The following FNDC1 variants were observed in gnomAD, a reference collection of about 807,000 sequenced individuals.
The protein encoded by FNDC1 is fibronectin type III domain containing 1, also known as fibronectin type III domain-containing protein 1.
FNDC1 carries 96 observed loss-of-function variants against 168.0 expected under a neutral mutation model. The observed-to-expected ratio is 0.57, with a 90% CI of 0.48 to 0.68. The LOEUF is 0.68. FNDC1 is among the 30% of genes least tolerant of loss of function. The pLI is 0.00. For missense variants in FNDC1, 2,587 were observed against 2,482.1 expected, an observed-to-expected ratio of 1.04 and a Z score of -0.90; for synonymous variants, 1,099 against 1,025.9, an observed-to-expected ratio of 1.07 and a Z score of -1.36.
Position 159,173,285 on chromosome 6 carries a change from T to A in FNDC1, c.109+3580T>A, listed in dbSNP as rs900180449. ...GGGGGCCTTGGGCTAGTCTCCGCGC[T>A]TCAGAATAGGTCAATTGAAGGAGGC... On this transcript the variant is annotated intron_variant, in intron 1 of 22. Coordinates refer to ENST00000297267, the MANE Select transcript of FNDC1 (RefSeq NM_032532.3). Among the ~76,000 whole-genome samples, 5 of 150,226 alleles carry A rather than the reference T, an allele frequency of 3.3e-5. No homozygotes were observed. The Admixed American group carries it at 3.3e-4, about 10-fold the overall frequency.
chr6:159,265,371 T>A (rs889584201), intron 20 of FNDC1, among the ~76,000 whole-genome samples: 1 of 152,198 alleles, frequency 6.6e-6, no homozygotes, highest in Non-Finnish European at 1.5e-5. Flanking sequence ...GAGAAAACCT[T>A]GTTGCTTGAC....
chr6:159,233,435 C>T lies in FNDC1; in HGVS notation c.2923C>T (p.His975Tyr), dbSNP rs1184726802. 6 of 1,610,648 alleles carry T rather than the reference C, an allele frequency of 3.7e-6. No individual in the cohort carries two copies. The highest frequency in any genetic ancestry group is 5.1e-6 in the Non-Finnish European group (6 of 1,179,232). The change falls in exon 11 of 23, where the codon CAC (histidine) becomes TAC (tyrosine). Residue 975 changes from histidine (H) to tyrosine (Y), a missense_variant. By Grantham distance (83) the His-to-Tyr change is moderately conservative. Coordinates refer to ENST00000297267, the MANE Select transcript of FNDC1 (RefSeq NM_032532.3). The surrounding 1 kb of genome is among the most constrained non-coding windows in gnomAD (Gnocchi z 4.6). Reference sequence around the variant, plus strand: ...AGCACAGCCAGGGTCCACAGACCGCCACGCGTCCCCTGCTCGTCCGCCCGC... The same window carrying T: ...AGCACAGCCAGGGTCCACAGACCGCTACGCGTCCCCTGCTCGTCCGCCCGC... ...PKAQPGSTDR[H>Y]ASPARPPAAR...
At chr6:159,230,029 C>T (rs1783048988) in intron 10 of FNDC1, 26 bp downstream of exon 10, 1 of 1,583,770 alleles carries the variant, frequency 6.3e-7, no homozygotes, top group African/African-American at 1.3e-5. Flanking sequence ...CTGTGGCTGT[C>T]TTCTCTCTCT....
At chr6:159,227,596 GT>G (rs1290748120) in intron 9 of FNDC1, among the ~76,000 whole-genome samples, 2 of 146,654 alleles carry the variant, frequency 1.4e-5, no homozygotes, top group African/African-American at 5.0e-5. Context: ...TATACTTCAC[GT>G]TTTTTCACTT....
At chr6:159,177,506 G>A (rs1781789269) in intron 1 of FNDC1, among the ~76,000 whole-genome samples, 1 of 152,132 alleles carries the variant, frequency 6.6e-6, no homozygotes, top group Non-Finnish European at 1.5e-5. Flanking sequence ...GAGCTCAGGA[G>A]AAGCCTCCCT....
Position 159,197,411 on chromosome 6 carries a change from T to C in FNDC1, c.110-20T>C, listed in dbSNP as rs772396370. The C allele has an allele frequency of 2.5e-6, 4 of 1,589,610 alleles. No homozygotes were observed. The highest frequency in any genetic ancestry group is 2.6e-6 in the Non-Finnish European group (3 of 1,168,858). On this transcript the variant is annotated intron_variant, in intron 1 of 22. Coordinates refer to ENST00000297267, the MANE Select transcript of FNDC1 (RefSeq NM_032532.3). Reference sequence around the variant, plus strand: ...CCAATCTGTTATTGCCATGAGTTGATAGTTGCGCTGTTTACATAGTTGACC... The same window carrying C: ...CCAATCTGTTATTGCCATGAGTTGACAGTTGCGCTGTTTACATAGTTGACC...
intron 1 of FNDC1, among the ~76,000 whole-genome samples, chr6:159,192,276 A>G (rs1425495649): frequency 1.3e-5 from 2 of 152,232 alleles, no homozygotes; most frequent in African/African-American, 2.4e-5. Context: ...TGAAGTAACT[A>G]TATGTCATTA....
chr6:159,251,504 C>G lies in FNDC1; in HGVS notation c.5037C>G (p.Asp1679Glu). ...GCHSFVIVDW[D>E]KATPGDVVTG... ...ACTCATTTGTCATTGTGGACTGGGA[C>G]AAAGCCACCCCAGGAGATGTGGTCA... The change falls in exon 17 of 23, where the codon GAC becomes GAG. Residue 1679 changes from aspartate (D) to glutamate (E), a missense_variant. Transcript: ENST00000297267. 1 of 1,613,794 alleles carries G rather than the reference C, an allele frequency of 6.2e-7. No individual in the cohort carries two copies. Among genetic ancestry groups the G allele is most frequent in the Non-Finnish European group, 8.5e-7 (1 of 1,179,834 alleles).
intron 4 of FNDC1, among the ~76,000 whole-genome samples, chr6:159,201,955 G>A (rs1782390069): frequency 6.6e-6 from 1 of 152,176 alleles, no homozygotes; most frequent in Non-Finnish European, 1.5e-5. Flanking sequence ...AATAGTGTGT[G>A]TGCACACATG....
intron 15 of FNDC1, among the ~76,000 whole-genome samples, chr6:159,248,248 G>A (rs993538949): frequency 2.0e-5 from 3 of 152,040 alleles, no homozygotes; most frequent in Admixed American, 1.3e-4. Flanking sequence ...AGGATTAGTT[G>A]TCTTGGCAGG....
At chr6:159,202,768 A>C (rs554071903) in intron 4 of FNDC1, among the ~76,000 whole-genome samples, 1 of 152,356 alleles carries the variant, frequency 6.6e-6, no homozygotes, top group East Asian at 1.9e-4. Context: ...GGTGTTAGAG[A>C]TACAAGCTAG....
chr6:159,208,641 T>C (rs1782534331), intron 4 of FNDC1, among the ~76,000 whole-genome samples: 1 of 152,136 alleles, frequency 6.6e-6, no homozygotes, highest in African/African-American at 2.4e-5. Flanking sequence ...CTAGGATCAA[T>C]ACCAAAGTCA....
intron 14 of FNDC1, among the ~76,000 whole-genome samples, chr6:159,246,364 T>C (rs1777124582): frequency 6.6e-6 from 1 of 152,118 alleles, no homozygotes; most frequent in South Asian, 2.1e-4. Flanking sequence ...AGGTAGGAAA[T>C]TACCCTCTTC....
At chr6:159,188,613 C>A (rs531519431) in intron 1 of FNDC1, among the ~76,000 whole-genome samples, 1 of 151,718 alleles carries the variant, frequency 6.6e-6, no homozygotes, top group Non-Finnish European at 1.5e-5. Flanking sequence ...CTCCTGACCT[C>A]GTGATCCACC....
At chr6:159,195,357 G>T (rs1782221915) in intron 1 of FNDC1, among the ~76,000 whole-genome samples, 1 of 151,650 alleles carries the variant, frequency 6.6e-6, no homozygotes, top group South Asian at 2.1e-4. Context: ...AAGTGATTGT[G>T]GTGGGTAGGG....
chr6:159,190,766 G>T (rs998816464), intron 1 of FNDC1, among the ~76,000 whole-genome samples: 2 of 152,224 alleles, frequency 1.3e-5, no homozygotes, highest in East Asian at 3.8e-4. Context: ...CATGCTTCAA[G>T]TTCAGGAACG....
chr6:159,187,041 G>A (rs986042764), intron 1 of FNDC1, among the ~76,000 whole-genome samples: 20 of 152,328 alleles, frequency 1.3e-4, no homozygotes, highest in African/African-American at 4.6e-4. Flanking sequence ...GCGGTGGCTG[G>A]AGAGGTGAGC....
At chr6:159,267,754 G>C in intron 21 of FNDC1, 50 bp from the exon 22 acceptor site, 1 of 1,607,520 alleles carries the variant, frequency 6.2e-7, no homozygotes, top group Non-Finnish European at 8.5e-7. Context: ...TCCTAAACCA[G>C]TTGTGACTTT....
chr6:159,230,515 C>T (rs483575), intron 10 of FNDC1, among the ~76,000 whole-genome samples: 58,393 of 152,016 alleles, frequency 0.38, 14,338 homozygotes, highest in East Asian at 0.73. Flanking sequence ...CAAACCTGCA[C>T]GTGCAGCCCC....
Sources: gnomAD v4.1 joint callset for allele counts (sites outside exome capture counted in the v4.1 genomes callset) on GRCh38, gnomAD v4.1.1 for gene constraint, Gnocchi (gnomAD v3.1) non-coding constraint, MANE v1.5 for transcripts, NCBI Gene and HGNC (gene_info 2026-07-23, HGNC 2026-07-21) for gene names.